IRAK2: variants seen among roughly 807,000 people sequenced by gnomAD.
The protein encoded by IRAK2 is interleukin 1 receptor associated kinase 2, also known as interleukin-1 receptor-associated kinase-like 2.
Under a neutral mutation model 72.0 loss-of-function variants are expected in IRAK2, and 57 were observed. The ratio of observed to expected loss-of-function variants is 0.79; its 90% CI spans 0.64 to 0.99. The LOEUF is 0.99. Among genes scored for constraint, IRAK2 ranks in the 50% least tolerant of loss-of-function variants. The probability of loss-of-function intolerance (pLI) is 0.00; values close to 1 mark genes in which losing one functional copy is unlikely to be tolerated. For missense variants in IRAK2, 790 were observed against 794.4 expected, an observed-to-expected ratio of 0.99 and a Z score of 0.07; for synonymous variants, 293 against 312.7, an observed-to-expected ratio of 0.94 and a Z score of 0.67.
At chr3:10,232,604 T>C (rs1200027834) in intron 10 of IRAK2, among the ~76,000 whole-genome samples, 2 of 152,174 alleles carry the variant, frequency 1.3e-5, no homozygotes, top group African/African-American at 2.4e-5. Flanking sequence ...GTGTCTTCTG[T>C]AGTTTTTTTG....
intron 1 of IRAK2, among the ~76,000 whole-genome samples, chr3:10,168,937 G>T (rs1575948667): frequency 6.6e-6 from 1 of 152,220 alleles, no homozygotes; most frequent in African/African-American, 2.4e-5. Context: ...CAATATCAGG[G>T]GAACCAGCCC....
rs781476402 is a variant in IRAK2, at chr3:10,226,395, A to C, written c.1234A>C (p.Ile412Leu). ...GGTGTTGGCCGAGGTCCTCACGGGC[A>C]TCCCTGCAATGGATAACAACCGAAG... is the stretch of plus-strand genomic sequence containing the variant. ...GIVLAEVLTG[I>L]PAMDNNRSPV... is the part of the protein sequence containing the mutation. The change falls in exon 10 of 13, where the codon ATC becomes CTC. Residue 412 changes from isoleucine to leucine, a missense_variant. Ile to Leu is a conservative substitution (Grantham distance 5, BLOSUM62 2). Transcript: ENST00000256458. The C allele has an allele frequency of 2.5e-6, 4 of 1,613,682 alleles. No individual in the cohort carries two copies. The South Asian group carries it at 4.4e-5, about 18-fold the overall frequency.
At chr3:10,198,593 T>A (rs560259261) in intron 2 of IRAK2, among the ~76,000 whole-genome samples, 1 of 152,350 alleles carries the variant, frequency 6.6e-6, no homozygotes, top group African/African-American at 2.4e-5. Flanking sequence ...GATAAACCTA[T>A]GAACTACCAG....
intron 3 of IRAK2, 130 bp downstream of exon 3, chr3:10,200,645 TCCC>T: frequency 1.4e-6 from 1 of 726,948 alleles, no homozygotes; most frequent in Non-Finnish European, 2.1e-6. Context: ...ATGCCTATAA[TCCC>T]AGCTCCGTGA....
chr3:10,168,284 C>T (rs546827671), intron 1 of IRAK2, among the ~76,000 whole-genome samples: 3 of 151,326 alleles, frequency 2.0e-5, no homozygotes, highest in South Asian at 2.1e-4. Context: ...GATCTCGGCT[C>T]GCTGCAACCT....
At chr3:10,226,258 G>T in intron 9 of IRAK2, 113 bp from the exon 10 acceptor site, 3 of 746,628 alleles carry the variant, frequency 4.0e-6, no homozygotes, top group Non-Finnish European at 6.6e-6. Flanking sequence ...GTGTCTGCTG[G>T]CAATGGCAGA....
At chr3:10,203,667 C>G (rs376898093) in intron 3 of IRAK2, among the ~76,000 whole-genome samples, 54 of 152,106 alleles carry the variant, frequency 3.6e-4, no homozygotes, top group African/African-American at 1.3e-3. Context: ...GAGTCTCGCT[C>G]TATCACTAGG....
At chr3:10,194,600 A>G (rs1293694217) in intron 2 of IRAK2, among the ~76,000 whole-genome samples, 2 of 152,058 alleles carry the variant, frequency 1.3e-5, no homozygotes, top group Non-Finnish European at 2.9e-5. Flanking sequence ...GCCAGCCTGA[A>G]TGAGTGGGCG....
chr3:10,238,758 C>T lies in IRAK2; in HGVS notation c.1484C>T (p.Ser495Phe). Residue 495 changes from serine (S) to phenylalanine (F), a missense_variant, in exon 12 of 13, where the codon TCT (serine) becomes TTT (phenylalanine). Transcript: ENST00000256458. ...TCTCTTCTCCCAAAGGTGTGTGGCTCTGTGGCTGCTGTGGAAGAGCGGCTC... is the reference window on the plus strand; with the variant it reads ...TCTCTTCTCCCAAAGGTGTGTGGCTTTGTGGCTGCTGTGGAAGAGCGGCTC... ...RNTSLQEVCG[S>F]VAAVEERLRG... The T allele has an allele frequency of 6.2e-7, 1 of 1,614,036 alleles. No homozygotes were observed. Among genetic ancestry groups the T allele is most frequent in the Admixed American group, 1.7e-5 (1 of 60,018 alleles).
chr3:10,181,070 C>G (rs941511400), intron 2 of IRAK2, among the ~76,000 whole-genome samples: 1 of 152,106 alleles, frequency 6.6e-6, no homozygotes, highest in East Asian at 1.9e-4. Flanking sequence ...GGTGGCTCCT[C>G]TTGAGTCATG....
chr3:10,226,323 T>C (rs954778778), intron 9 of IRAK2, 48 bp from the exon 10 acceptor site: 3 of 1,474,378 alleles, frequency 2.0e-6, no homozygotes, highest in Non-Finnish European at 2.8e-6. Flanking sequence ...TGCCTGGCTG[T>C]GTGCACGAGC....
chr3:10,191,515 T>C (rs1466841835), intron 2 of IRAK2, among the ~76,000 whole-genome samples: 2 of 152,148 alleles, frequency 1.3e-5, no homozygotes, highest in African/African-American at 4.8e-5. Flanking sequence ...CCTCTACCAC[T>C]TTCCCCCTCA....
chr3:10,200,267 G>A (rs1697335674), intron 2 of IRAK2, 102 bp from the exon 3 acceptor site: 1 of 1,031,532 alleles, frequency 9.7e-7, no homozygotes, highest in Non-Finnish European at 1.4e-6. Flanking sequence ...ATTTGTGGCA[G>A]AGCCAGAATT....
At chr3:10,225,127 T>C (rs1697754316) in intron 9 of IRAK2, among the ~76,000 whole-genome samples, 1 of 152,008 alleles carries the variant, frequency 6.6e-6, no homozygotes. Flanking sequence ...CAGTCTGTTA[T>C]TAATCCTGGG....
At chr3:10,173,324 GAAGAT>G (rs1261897331) in intron 1 of IRAK2, among the ~76,000 whole-genome samples, 3 of 152,160 alleles carry the variant, frequency 2.0e-5, no homozygotes, top group Non-Finnish European at 2.9e-5. Context: ...AAAAAGTCTG[GAAGAT>G]TAGACACCAA....
intron 2 of IRAK2, among the ~76,000 whole-genome samples, chr3:10,188,019 C>T (rs943885493): frequency 6.6e-6 from 1 of 152,142 alleles, no homozygotes; most frequent in East Asian, 1.9e-4. Flanking sequence ...GACTGTGGGC[C>T]GGGCTCCAGA....
chr3:10,231,582 C>T (rs536397854), intron 10 of IRAK2, among the ~76,000 whole-genome samples: 9 of 152,200 alleles, frequency 5.9e-5, no homozygotes, highest in Admixed American at 2.0e-4. Context: ...TGTGAGCCAC[C>T]GTGCCCAGCC....
chr3:10,207,786 AGTT>A (rs1410710184), intron 3 of IRAK2, among the ~76,000 whole-genome samples: 3 of 152,158 alleles, frequency 2.0e-5, no homozygotes, highest in Non-Finnish European at 2.9e-5. Context: ...TGAGGTCAGG[AGTT>A]CAAAACCAGC....
intron 1 of IRAK2, among the ~76,000 whole-genome samples, chr3:10,176,203 T>G (rs1696873485): frequency 6.6e-6 from 1 of 151,978 alleles, no homozygotes; most frequent in Admixed American, 6.6e-5. Flanking sequence ...ATTGGCAAAG[T>G]ATTTTTGTAT....
Sources: allele counts gnomAD v4.1 joint callset (sites outside exome capture counted in the v4.1 genomes callset), GRCh38; gene constraint gnomAD v4.1.1; transcripts MANE v1.5; gene names NCBI Gene and HGNC (gene_info 2026-07-23, HGNC 2026-07-21).